PACRGL: variants seen among roughly 807,000 people sequenced by gnomAD.
PACRGL encodes the protein parkin coregulated like.
Under a neutral mutation model 34.5 loss-of-function variants are expected in PACRGL, and 38 were observed. The observed-to-expected ratio is 1.10, with a 90% confidence interval of 0.85 to 1.44. The LOEUF (loss-of-function observed/expected upper bound fraction) is 1.44, where lower values mean the gene tolerates loss of function less well. PACRGL is among the 40% of genes most tolerant of loss of function. The probability of loss-of-function intolerance (pLI) is 0.00; values close to 1 mark genes in which losing one functional copy is unlikely to be tolerated. For missense variants in PACRGL, 305 were observed against 281.4 expected (o/e 1.08, Z -0.60); for synonymous variants, 128 against 100.1 (o/e 1.28, Z -1.66).
chr4:20,760,228 C>T, the PACRGL span, among the ~76,000 whole-genome samples: 1 of 152,144 alleles, frequency 6.6e-6, no homozygotes, highest in Admixed American at 6.6e-5. Context: ...CTAGTTGTCA[C>T]AGCACTCCCA....
At chr4:20,764,122 C>T in the PACRGL span, among the ~76,000 whole-genome samples, 5 of 151,946 alleles carry the variant, frequency 3.3e-5, no homozygotes, top group African/African-American at 1.2e-4. Flanking sequence ...GTTCTGTATT[C>T]TATTTTCTAA....
At chr4:20,724,745 T>C (rs142217295) in intron 7 of PACRGL, 63 bp from the exon 8 acceptor site, 18 of 899,514 alleles carry the variant, frequency 2.0e-5, no homozygotes, top group African/African-American at 5.2e-5. Flanking sequence ...GATTTACTTA[T>C]GCGTATGGTG....
At chr4:20,765,454 G>A in the PACRGL span, among the ~76,000 whole-genome samples, 19 of 152,282 alleles carry the variant, frequency 1.2e-4, no homozygotes, top group Non-Finnish European at 2.4e-4. Context: ...AAAATTTATT[G>A]TGCATTGTAG....
At chr4:20,761,937 A>G in the PACRGL span, among the ~76,000 whole-genome samples, 2 of 152,168 alleles carry the variant, frequency 1.3e-5, no homozygotes, top group Non-Finnish European at 2.9e-5. Context: ...CTATTATTCC[A>G]GGAGTCTTCT....
chr4:20,741,685 C>G (rs1320062722), intron 8 of PACRGL, among the ~76,000 whole-genome samples: 2 of 152,106 alleles, frequency 1.3e-5, no homozygotes, highest in African/African-American at 4.8e-5. Flanking sequence ...CAAACACATT[C>G]AAAAGCTAGC....
intron 8 of PACRGL, among the ~76,000 whole-genome samples, chr4:20,749,960 T>A (rs1276819992): frequency 6.6e-6 from 1 of 152,206 alleles, no homozygotes. Flanking sequence ...TCTATGAGTT[T>A]CTGGCTGGCA....
At chr4:20,749,258 C>G (rs1212386017) in intron 8 of PACRGL, among the ~76,000 whole-genome samples, 1 of 151,882 alleles carries the variant, frequency 6.6e-6, no homozygotes. Context: ...TAGTCTTTTT[C>G]TACATTTAAT....
At chr4:20,740,052 T>C (rs1190316806) in intron 8 of PACRGL, among the ~76,000 whole-genome samples, 3 of 149,356 alleles carry the variant, frequency 2.0e-5, no homozygotes, top group Admixed American at 6.7e-5. Context: ...GAAAAATGAG[T>C]TAAACAAAGC....
rs1217721776 is a variant in PACRGL at position 20,704,638 on chromosome 4, T to C, written c.53-22T>C. On this transcript the variant is annotated intron_variant, in intron 2 of 8. Transcript: ENST00000503585. ...CTTTATTGCTTGTACCTGGTTTCTATTGATGTTCTGTTTTTTTCCAGGTAA... is the reference window on the plus strand; with the variant it reads ...CTTTATTGCTTGTACCTGGTTTCTACTGATGTTCTGTTTTTTTCCAGGTAA... 3.7e-6 allele frequency: 6 copies of C among 1,613,924 alleles called. No homozygotes were observed. In the East Asian group the frequency reaches 6.7e-5, roughly 18 times the overall value.
At chr4:20,753,255 C>A (rs143780740), downstream of PACRGL, among the ~76,000 whole-genome samples, 148 of 152,198 alleles carry the variant, frequency 9.7e-4, 1 homozygote, top group African/African-American at 3.5e-3. Context: ...GCAATGGAAT[C>A]AAGATATTCC....
intron 3 of PACRGL, among the ~76,000 whole-genome samples, chr4:20,706,514 C>T (rs568834940): frequency 1.2e-4 from 18 of 151,988 alleles, no homozygotes; most frequent in African/African-American, 4.1e-4. Context: ...GAAATTATAA[C>T]TAGATGAGTG....
downstream of PACRGL, among the ~76,000 whole-genome samples, chr4:20,735,923 AG>A (rs1749521487): frequency 6.6e-6 from 1 of 152,218 alleles, no homozygotes; most frequent in Admixed American, 6.5e-5. Context: ...ATGAAAGCAG[AG>A]GGGAAATCCA....
chr4:20,718,558 A>G (rs368586685), intron 7 of PACRGL, among the ~76,000 whole-genome samples: 3 of 152,198 alleles, frequency 2.0e-5, no homozygotes, highest in African/African-American at 2.4e-5. Context: ...TGATTTTGAC[A>G]AAGTCCTTTT....
At position 20,713,577 on chromosome 4, in the gene PACRGL, G is replaced by A. The variant is rs768877263; in HGVS notation, c.609+38G>A. 6.1e-6 allele frequency: 9 copies of A among 1,484,228 alleles called. No homozygotes were observed. In the East Asian group the frequency reaches 1.6e-4, roughly 26 times the overall value. The allele number at this position is 1,484,228 out of a possible 1,614,324, so 91.9% of individuals were successfully genotyped here. A position where few individuals can be genotyped will look rare whatever the true frequency, so the allele number is the denominator to read the frequency against. On this transcript the variant is annotated intron_variant, in intron 7 of 8. Transcript: ENST00000503585. ...AAGATTAGATAATGATTGACTGTAT[G>A]TATCATGCACCATCCATATCTCTTC...
rs1560318104 is a variant in PACRGL, at chr4:20,712,800, A to G, written c.379A>G (p.Thr127Ala). 1 of 1,573,894 alleles carries G rather than the reference A, an allele frequency of 6.4e-7. No individual in the cohort carries two copies. The highest frequency in any genetic ancestry group is 2.3e-5 in the East Asian group (1 of 43,966). ...LITLAEGLRE[T>A]KHPYTFVSKE... ...TGGTCTTTGTCAGGGTCTGAGAGAG[A>G]CTAAGCATCCATACACTTTTGTGTC... The change falls in exon 6 of 9, where the codon ACT becomes GCT. Residue 127 changes from threonine (T) to alanine (A), a missense_variant. Coordinates refer to ENST00000503585, the MANE Select transcript of PACRGL (RefSeq NM_001258345.3).
intron 7 of PACRGL, among the ~76,000 whole-genome samples, chr4:20,714,098 T>C (rs2149109108): frequency 6.6e-6 from 1 of 152,152 alleles, no homozygotes; most frequent in South Asian, 2.1e-4. Context: ...GACAGTGGGG[T>C]GTTAAAGTCT....
intron 8 of PACRGL, among the ~76,000 whole-genome samples, chr4:20,744,644 G>A (rs1255663974): frequency 6.6e-6 from 1 of 152,128 alleles, no homozygotes; most frequent in Non-Finnish European, 1.5e-5. Flanking sequence ...GGGAGGGATA[G>A]CATTAGGAGA....
In PACRGL at chr4:20,727,496, CAAAAAAG is replaced by C. The variant is rs1553879382; in HGVS notation, c.*158_*164del. ...ACACTGAATCAAAGTTATTCATCAACAAAAAAGAACAGTTACTAATGGAAAGTTATTA... is the reference window on the plus strand; with the variant it reads ...ACACTGAATCAAAGTTATTCATCAACAACAGTTACTAATGGAAAGTTATTA... On this transcript the variant is annotated 3_prime_UTR_variant, in exon 9 of 9. Transcript: ENST00000503585. 1.3e-5 allele frequency: 7 copies of C among 552,706 alleles called. No individual in the cohort carries two copies. Among genetic ancestry groups the C allele is most frequent in the Non-Finnish European group, 1.3e-5 (4 of 314,778 alleles). 34.2% of individuals were successfully genotyped at this position (552,706 alleles called of 1,614,324 possible).
intron 5 of PACRGL, 132 bp from the exon 6 acceptor site, chr4:20,712,656 G>T: frequency 1.1e-6 from 1 of 887,320 alleles, no homozygotes. Context: ...TGTAACTACT[G>T]AAATTATAAT....
Sources: gnomAD v4.1 joint callset for allele counts (sites outside exome capture counted in the v4.1 genomes callset) on GRCh38, gnomAD v4.1.1 for gene constraint, MANE v1.5 for transcripts, NCBI Gene and HGNC (gene_info 2026-07-23, HGNC 2026-07-21) for gene names.